The following SLC15A1 variants were observed in gnomAD, a reference collection of about 807,000 sequenced individuals.
SLC15A1 encodes the protein solute carrier family 15 member 1.
SLC15A1 carries 83 observed loss-of-function variants against 92.9 expected under a neutral mutation model. The ratio of observed to expected loss-of-function variants is 0.89; its 90% CI spans 0.75 to 1.07. The LOEUF (loss-of-function observed/expected upper bound fraction) is 1.07, where lower values mean the gene tolerates loss of function less well. Ranked by LOEUF, SLC15A1 falls within the 50% of genes least tolerant of loss-of-function variation. The probability of loss-of-function intolerance (pLI) is 0.00; values close to 1 mark genes in which losing one functional copy is unlikely to be tolerated. For missense variants in SLC15A1, 857 were observed against 880.1 expected (o/e 0.97, Z 0.33); for synonymous variants, 322 against 318.2 (o/e 1.01, Z -0.13).
At chr13:98,749,164 G>A (rs2088520881) in intron 1 of SLC15A1, among the ~76,000 whole-genome samples, 5 of 152,282 alleles carry the variant, frequency 3.3e-5, no homozygotes, top group African/African-American at 1.2e-4. Context: ...ATTGTTCTTC[G>A]GTTGACTCAA....
chr13:98,688,176 C>G (rs1428536803), intron 20 of SLC15A1, 72 bp downstream of exon 20: 2 of 992,090 alleles, frequency 2.0e-6, no homozygotes, highest in Admixed American at 4.1e-5. Flanking sequence ...ATATTATGTC[C>G]TAAGTGTTTG....
chr13:98,688,662 T>A (rs932747575), intron 18 of SLC15A1, 85 bp from the exon 19 acceptor site: 18 of 907,996 alleles, frequency 2.0e-5, no homozygotes, highest in Non-Finnish European at 2.1e-5. Flanking sequence ...AGTTGGGCAA[T>A]ACTCCCTATT....
At chr13:98,694,885 G>A (rs1027076352) in intron 18 of SLC15A1, among the ~76,000 whole-genome samples, 1 of 151,914 alleles carries the variant, frequency 6.6e-6, no homozygotes, top group African/African-American at 2.4e-5. Context: ...AAGATTAGCT[G>A]GGTGTGGTGG....
chr13:98,742,721 G>A (rs1336752382), intron 1 of SLC15A1, among the ~76,000 whole-genome samples: 1 of 152,100 alleles, frequency 6.6e-6, no homozygotes, highest in Admixed American at 6.6e-5. Context: ...ATACTCACGT[G>A]GCGCTTGCCC....
intron 11 of SLC15A1, among the ~76,000 whole-genome samples, chr13:98,710,825 A>AAAAAAAAG (rs2088156064): frequency 6.6e-6 from 1 of 151,524 alleles, no homozygotes. Flanking sequence ...AAAAAAAAAA[A>AAAAAAAAG]AAAAAAAGAA....
At chr13:98,699,746 T>A (rs2088052464) in intron 18 of SLC15A1, among the ~76,000 whole-genome samples, 1 of 152,150 alleles carries the variant, frequency 6.6e-6, no homozygotes, top group Non-Finnish European at 1.5e-5. Flanking sequence ...GCAGGGGAGT[T>A]CCAGGTGCCC....
intron 15 of SLC15A1, among the ~76,000 whole-genome samples, chr13:98,707,485 G>A (rs2088121908): frequency 6.6e-6 from 1 of 152,200 alleles, no homozygotes; most frequent in South Asian, 2.1e-4. Flanking sequence ...GGGTTGATGG[G>A]GCTAGGGAAA....
intron 15 of SLC15A1, among the ~76,000 whole-genome samples, chr13:98,706,640 GCTCT>G (rs2088115203): frequency 6.6e-6 from 1 of 152,088 alleles, no homozygotes; most frequent in African/African-American, 2.4e-5. Flanking sequence ...CTTTCGCTTG[GCTCT>G]CTTTCTCTTT....
chr13:98,721,424 A>G, intron 7 of SLC15A1, 71 bp downstream of exon 7: 1 of 1,073,830 alleles, frequency 9.3e-7, no homozygotes, highest in Non-Finnish European at 1.4e-6. Flanking sequence ...AGAACAGAAC[A>G]AAACGAAGAA....
intron 16 of SLC15A1, 22 bp downstream of exon 16, chr13:98,706,112 G>A: frequency 6.3e-7 from 1 of 1,595,156 alleles, no homozygotes; most frequent in Non-Finnish European, 8.5e-7. Context: ...GAAAAAGAAG[G>A]CAGCAATTTC....
At chr13:98,717,519 C>T (rs2088220382) in intron 8 of SLC15A1, among the ~76,000 whole-genome samples, 1 of 152,152 alleles carries the variant, frequency 6.6e-6, no homozygotes. Context: ...ATGTACCTAA[C>T]GTGCTTAATA....
In SLC15A1 at chr13:98,744,006, C is replaced by G. The variant is rs1365092443; in HGVS notation, c.4+8589G>C. On this transcript the variant is annotated intron_variant, in intron 1 of 22. Transcript: ENST00000376503. Reference sequence around the variant, plus strand: ...TATATTGTCACAGGAGAAAATGACTCTAAAGATACATAAATGTCGCTAAAT... The same window carrying G: ...TATATTGTCACAGGAGAAAATGACTGTAAAGATACATAAATGTCGCTAAAT... Among the ~76,000 whole-genome samples the G allele has an allele frequency of 2.6e-5, 4 of 151,992 alleles. No individual in the cohort carries two copies. The East Asian group carries it at 7.7e-4, about 29-fold the overall frequency.
At chr13:98,720,062 T>C (rs2088243898) in intron 7 of SLC15A1, among the ~76,000 whole-genome samples, 1 of 152,260 alleles carries the variant, frequency 6.6e-6, no homozygotes, top group Admixed American at 6.5e-5. Context: ...CCTCCAGGCA[T>C]GATCTGCTGC....
At chr13:98,751,695 C>T (rs1040467070) in intron 1 of SLC15A1, among the ~76,000 whole-genome samples, 9 of 152,232 alleles carry the variant, frequency 5.9e-5, no homozygotes, top group African/African-American at 2.2e-4. Context: ...ATTCTGAGAG[C>T]CAGAGGACGG....
chr13:98,696,674 G>A (rs2088024136), intron 18 of SLC15A1, among the ~76,000 whole-genome samples: 1 of 152,158 alleles, frequency 6.6e-6, no homozygotes, highest in Admixed American at 6.5e-5. Flanking sequence ...ATCAGCCATG[G>A]CAGCTGTGTA....
intron 18 of SLC15A1, among the ~76,000 whole-genome samples, chr13:98,699,096 C>T (rs2139570089): frequency 6.6e-6 from 1 of 152,312 alleles, no homozygotes; most frequent in East Asian, 1.9e-4. Flanking sequence ...CATAGTCAAA[C>T]CTTTCCTCCA....
chr13:98,749,069 G>T (rs1391950007), intron 1 of SLC15A1, among the ~76,000 whole-genome samples: 3 of 152,226 alleles, frequency 2.0e-5, no homozygotes, highest in African/African-American at 7.2e-5. Context: ...GAGTTCCCCC[G>T]AAGGTCATAT....
In SLC15A1 at chr13:98,688,297, G is replaced by A; in HGVS notation, c.1634C>T (p.Thr545Ile). The A allele has an allele frequency of 3.1e-6, 5 of 1,614,048 alleles. No individual in the cohort carries two copies. Among genetic ancestry groups the A allele is most frequent in the Non-Finnish European group, 3.4e-6 (4 of 1,179,978 alleles). Residue 545 changes from threonine to isoleucine, a missense_variant, in exon 20 of 23, where the codon ACT becomes ATT. Coordinates refer to ENST00000376503, the MANE Select transcript of SLC15A1 (RefSeq NM_005073.4). ...AGCACTACCAAATTCAAGGTAGAAA[G>A]TATTGAAATTAGGTTGACATTGTGG... ...IPPQCQPNFN[T>I]FYLEFGSAYT...
At chr13:98,746,543 T>C (rs1345893741) in intron 1 of SLC15A1, among the ~76,000 whole-genome samples, 1 of 152,238 alleles carries the variant, frequency 6.6e-6, no homozygotes, top group Non-Finnish European at 1.5e-5. Context: ...GAAAAACGTT[T>C]ATTTCCTCAA....
Sources: gnomAD v4.1 joint callset for allele counts (sites outside exome capture counted in the v4.1 genomes callset) on GRCh38, gnomAD v4.1.1 for gene constraint, MANE v1.5 for transcripts, NCBI Gene and HGNC (gene_info 2026-07-23, HGNC 2026-07-21) for gene names.